The following RBFOX1 variants were observed in gnomAD, a reference collection of about 807,000 sequenced individuals.
RBFOX1 encodes the protein RNA binding fox-1 homolog 1, also known as RNA binding protein fox-1 homolog 1.
In RBFOX1, 8 loss-of-function variants were observed where a neutral mutation model predicts 57.7. The observed-to-expected ratio is 0.14, with a 90% CI of 0.08 to 0.25. The LOEUF is 0.25. Among genes scored for constraint, RBFOX1 ranks in the 10% least tolerant of loss-of-function variants. RBFOX1 has a pLI of 1.00. For synonymous variants in RBFOX1, 326 were observed against 222.4 expected, an observed-to-expected ratio of 1.47 and a Z score of -4.15; for missense variants, 611 against 548.5, an observed-to-expected ratio of 1.11 and a Z score of -1.14.
intron 4 of RBFOX1, among the ~76,000 whole-genome samples, chr16:7,485,776 A>G (rs1204809731): frequency 1.3e-5 from 2 of 152,206 alleles, no homozygotes; most frequent in East Asian, 1.9e-4. Context: ...TGAATATTAC[A>G]TCCCTTGACT....
chr16:5,244,228 A>G (rs1037680961), intron 1 of RBFOX1, among the ~76,000 whole-genome samples: 138 of 152,328 alleles, frequency 9.1e-4, no homozygotes, highest in Admixed American at 9.0e-3. Flanking sequence ...ACAAAGCACA[A>G]AATACTTGGG....
chr16:5,471,269 T>C (rs2069125295), intron 2 of RBFOX1, among the ~76,000 whole-genome samples: 1 of 152,240 alleles, frequency 6.6e-6, no homozygotes, highest in Admixed American at 6.5e-5. Context: ...AATGGCGTTC[T>C]GTTCCTCTTT....
At chr16:7,591,114 A>G (rs1602681803) in intron 7 of RBFOX1, among the ~76,000 whole-genome samples, 4 of 152,090 alleles carry the variant, frequency 2.6e-5, no homozygotes, top group Non-Finnish European at 5.9e-5. Flanking sequence ...AGGCTTCTGG[A>G]AAGAAGGAAC....
intron 2 of RBFOX1, among the ~76,000 whole-genome samples, chr16:6,653,478 C>G (rs776302645): frequency 2.5e-4 from 38 of 152,232 alleles, no homozygotes; most frequent in Non-Finnish European, 5.0e-4. Context: ...GGGACTGTGT[C>G]TGTCATTTTG....
intron 4 of RBFOX1, among the ~76,000 whole-genome samples, chr16:5,950,855 C>T (rs1567182067): frequency 6.6e-6 from 1 of 151,844 alleles, no homozygotes; most frequent in Non-Finnish European, 1.5e-5. Context: ...GGTCCAAGTG[C>T]CAGGAGAGAG....
Position 5,779,695 on chromosome 16 carries a change from C to T in RBFOX1, c.319-87608C>T, listed in dbSNP as rs147281653. On this transcript the variant is annotated intron_variant, in intron 3 of 19. Transcript: ENST00000641259. ...CAAAGGAGTTATTTTTATAGATGCA[C>T]CCCCAACCCAAGTGGAATGATGGGA... Among the ~76,000 whole-genome samples the T allele has an allele frequency of 1.0e-3, 155 of 152,230 alleles. 1 individual carries two copies. The highest frequency in any genetic ancestry group is 3.4e-3 in the African/African-American group (140 of 41,548).
chr16:6,838,074 A>C (rs2093232579), intron 3 of RBFOX1, among the ~76,000 whole-genome samples: 1 of 152,018 alleles, frequency 6.6e-6, no homozygotes. Context: ...GGTTTGTTAC[A>C]AAGGTATACA....
chr16:7,337,635 A>G (rs1049577767), intron 4 of RBFOX1, among the ~76,000 whole-genome samples: 4 of 152,140 alleles, frequency 2.6e-5, no homozygotes, highest in African/African-American at 9.6e-5. Context: ...GGCTTCATCT[A>G]TACCATCCAT....
At chr16:6,788,761 G>C (rs1028479738) in intron 3 of RBFOX1, among the ~76,000 whole-genome samples, 7 of 151,742 alleles carry the variant, frequency 4.6e-5, no homozygotes, top group Non-Finnish European at 1.0e-4. Flanking sequence ...AGGTGTGAGC[G>C]ACCGTGCCCG....
chr16:7,043,749 G>A (rs542547955), intron 3 of RBFOX1, among the ~76,000 whole-genome samples: 6 of 152,100 alleles, frequency 3.9e-5, no homozygotes, highest in East Asian at 3.9e-4. Context: ...TGTTTCTTTG[G>A]ACTCCTACTT....
At chr16:5,302,078 T>C (rs1444237097) in intron 1 of RBFOX1, among the ~76,000 whole-genome samples, 2 of 152,190 alleles carry the variant, frequency 1.3e-5, no homozygotes, top group African/African-American at 2.4e-5. Flanking sequence ...AGGCATTTAA[T>C]GTAGTAAACA....
intron 3 of RBFOX1, among the ~76,000 whole-genome samples, chr16:6,908,857 A>T (rs1055720756): frequency 2.6e-5 from 4 of 152,080 alleles, no homozygotes; most frequent in African/African-American, 7.2e-5. Context: ...GTGGGGACTA[A>T]ATTAGTTTAT....
chr16:5,681,837 G>C (rs1163211247), intron 3 of RBFOX1, among the ~76,000 whole-genome samples: 5 of 152,160 alleles, frequency 3.3e-5, no homozygotes, highest in Non-Finnish European at 7.3e-5. Flanking sequence ...ATACGGGAGT[G>C]GGGGAGGGAG....
chr16:7,017,146 G>A (rs1032997555), intron 3 of RBFOX1, among the ~76,000 whole-genome samples: 5 of 152,148 alleles, frequency 3.3e-5, no homozygotes, highest in Non-Finnish European at 5.9e-5. Flanking sequence ...CAAAACAGCT[G>A]TTAAGGTGCA....
chr16:5,774,608 A>G (rs1277220480), intron 3 of RBFOX1, among the ~76,000 whole-genome samples: 1 of 152,210 alleles, frequency 6.6e-6, no homozygotes, highest in Non-Finnish European at 1.5e-5. Context: ...TTGTATAAAC[A>G]TTTACATGGT....
In RBFOX1 at chr16:7,447,056, C is replaced by G. The variant is rs180872166; in HGVS notation, c.28-71091C>G. Among the ~76,000 whole-genome samples, 3 of 151,932 alleles carry G rather than the reference C, an allele frequency of 2.0e-5. 1 individual carries two copies. The highest frequency in any genetic ancestry group is 7.2e-5 in the African/African-American group (3 of 41,496). ...CTTGATCTCATGACCTTGTGATCTACCCGCCTTAGCCTCCCAAAGTGCTGG... is the reference window on the plus strand; with the variant it reads ...CTTGATCTCATGACCTTGTGATCTAGCCGCCTTAGCCTCCCAAAGTGCTGG... On this transcript the variant is annotated intron_variant, in intron 4 of 15. Transcript: ENST00000550418.
intron 3 of RBFOX1, among the ~76,000 whole-genome samples, chr16:6,836,067 A>C (rs963755071): frequency 6.6e-6 from 1 of 152,240 alleles, no homozygotes; most frequent in Non-Finnish European, 1.5e-5. Context: ...TAGCTAGCTC[A>C]GCTCTGCTAC....
At chr16:5,331,586 A>C (rs956074242) in intron 1 of RBFOX1, among the ~76,000 whole-genome samples, 1 of 152,282 alleles carries the variant, frequency 6.6e-6, no homozygotes, top group African/African-American at 2.4e-5. Context: ...CATCATACTT[A>C]TTGACGGTAC....
At chr16:7,158,385 C>G (rs748437665) in intron 4 of RBFOX1, among the ~76,000 whole-genome samples, 7 of 152,134 alleles carry the variant, frequency 4.6e-5, no homozygotes, top group Non-Finnish European at 8.8e-5. Context: ...GTTATCACAA[C>G]CAGTGATTGA....
Sources: gnomAD v4.1 joint callset for allele counts (sites outside exome capture counted in the v4.1 genomes callset) on GRCh38, gnomAD v4.1.1 for gene constraint, MANE v1.5 for transcripts, NCBI Gene and HGNC (gene_info 2026-07-23, HGNC 2026-07-21) for gene names.